Variants in TMEM168 observed in about 807,000 individuals in gnomAD.
The protein encoded by TMEM168 is transmembrane protein 168.
Under a neutral mutation model 53.2 loss-of-function variants are expected in TMEM168, and 40 were observed. The observed-to-expected ratio is 0.75, with a 90% CI of 0.58 to 0.98. The LOEUF is 0.98. Ranked by LOEUF, TMEM168 falls within the 50% of genes least tolerant of loss-of-function variation. The pLI is 0.00. For missense variants in TMEM168, 771 were observed against 828.8 expected, an observed-to-expected ratio of 0.93 and a Z score of 0.86; for synonymous variants, 282 against 293.0, an observed-to-expected ratio of 0.96 and a Z score of 0.38.
rs1385973819 is a variant in TMEM168, at chr7:112,765,981, AT to A, written c.*1215del. The A allele has an allele frequency of 1.3e-5, 2 of 152,338 alleles. No homozygotes were observed. The highest frequency in any genetic ancestry group is 2.9e-5 in the Non-Finnish European group (2 of 67,994). 9.4% of individuals were successfully genotyped at this position (152,338 alleles called of 1,614,324 possible). A position where few individuals can be genotyped will look rare whatever the true frequency, so the allele number is the denominator to read the frequency against. The stretch of plus-strand genomic sequence containing the variant: ...AAACCATTTAAACAATGAAGATTAG[AT>A]TATACCCCAATTTAATTCTATTCCC... On this transcript the variant is annotated 3_prime_UTR_variant, in exon 5 of 5. Transcript: ENST00000312814.
At position 112,784,357 on chromosome 7, in the gene TMEM168, C is replaced by T. The variant is rs749416558; in HGVS notation, c.469G>A (p.Val157Ile). The part of the protein sequence containing the change: ...VRHRPTLLTT[V>I]EFLELVGFAI... ...AATCCAACAAGCTCCAGAAATTCAA[C>T]TGTGGTTAGTAAAGTGGGCCGATGA... The change falls in exon 2 of 5, where the codon GTT (valine) becomes ATT (isoleucine). Residue 157 changes from valine to isoleucine, a missense_variant. Coordinates refer to ENST00000312814, the MANE Select transcript of TMEM168 (RefSeq NM_022484.6). 1 of 1,614,046 alleles carries T rather than the reference C, an allele frequency of 6.2e-7. No individual in the cohort carries two copies. The highest frequency in any genetic ancestry group is 1.7e-5 in the Admixed American group (1 of 60,000).
intron 1 of TMEM168, among the ~76,000 whole-genome samples, chr7:112,787,792 G>A (rs1314976993): frequency 7.5e-6 from 1 of 132,458 alleles, no homozygotes; most frequent in Non-Finnish European, 1.5e-5. Context: ...GAATACAATG[G>A]AGCGATCTCG....
At chr7:112,787,973 C>G (rs936880386) in intron 1 of TMEM168, among the ~76,000 whole-genome samples, 2 of 151,792 alleles carry the variant, frequency 1.3e-5, no homozygotes, top group African/African-American at 4.8e-5. Flanking sequence ...CTCAGGTGAT[C>G]CGTCCGCCTT....
chr7:112,772,074 T>C (rs1305713794), intron 4 of TMEM168, among the ~76,000 whole-genome samples: 1 of 152,108 alleles, frequency 6.6e-6, no homozygotes, highest in East Asian at 1.9e-4. Context: ...GACTGACAAA[T>C]TTATATATGA....
At chr7:112,781,871 G>A (rs1334786151) in intron 2 of TMEM168, among the ~76,000 whole-genome samples, 1 of 151,992 alleles carries the variant, frequency 6.6e-6, no homozygotes, top group Non-Finnish European at 1.5e-5. Flanking sequence ...AAGAAAAAGT[G>A]GATAAACTGG....
At chr7:112,782,217 T>G (rs942987310) in intron 2 of TMEM168, among the ~76,000 whole-genome samples, 1 of 151,684 alleles carries the variant, frequency 6.6e-6, no homozygotes, top group Non-Finnish European at 1.5e-5. Context: ...TAGGAAAGAG[T>G]AGAATGGAAG....
chr7:112,770,568 C>T (rs1170935709), intron 4 of TMEM168, among the ~76,000 whole-genome samples: 3 of 151,720 alleles, frequency 2.0e-5, no homozygotes, highest in African/African-American at 4.9e-5. Flanking sequence ...TTATTCCTAA[C>T]AGTGAATGAA....
At chr7:112,777,429 T>C (rs1793114128) in intron 2 of TMEM168, among the ~76,000 whole-genome samples, 1 of 152,178 alleles carries the variant, frequency 6.6e-6, no homozygotes, top group Non-Finnish European at 1.5e-5. Flanking sequence ...GTCTCTCTTC[T>C]TCTGTTCTGT....
intron 4 of TMEM168, among the ~76,000 whole-genome samples, chr7:112,771,781 C>T (rs1792936128): frequency 6.6e-6 from 1 of 151,820 alleles, no homozygotes; most frequent in African/African-American, 2.4e-5. Context: ...TTTTCTTTAT[C>T]CTGAATGTTT....
rs1364983063 is a variant in TMEM168 at position 112,762,944 on chromosome 7, G to A, written c.*4253C>T. 1.3e-5 allele frequency: 2 copies of A among 151,938 alleles called. No homozygotes were observed. The highest frequency in any genetic ancestry group is 2.9e-5 in the Non-Finnish European group (2 of 67,904). The allele number at this position is 151,938 out of a possible 1,614,324, so 9.4% of individuals were successfully genotyped here. On this transcript the variant is annotated 3_prime_UTR_variant, in exon 5 of 5. Transcript: ENST00000312814. ...GTCCTTAACCTGCTTATGCTTATAG[G>A]CCTATTTTACTGACCTTCCAATTTA...
chr7:112,769,922 G>A (rs957127262), intron 4 of TMEM168, among the ~76,000 whole-genome samples: 8 of 152,018 alleles, frequency 5.3e-5, no homozygotes, highest in African/African-American at 1.9e-4. Flanking sequence ...TGGGATAAAG[G>A]GCAAATATAG....
intron 4 of TMEM168, among the ~76,000 whole-genome samples, chr7:112,769,821 C>T (rs1792883823): frequency 6.6e-6 from 1 of 152,032 alleles, no homozygotes; most frequent in African/African-American, 2.4e-5. Context: ...TGTTTTCTAT[C>T]CTCAAGCAGA....
Position 112,771,498 on chromosome 7 carries a change from A to G in TMEM168, c.1546+1283T>C, listed in dbSNP as rs187723014. On this transcript the variant is annotated intron_variant, in intron 4 of 4. Transcript: ENST00000312814. ...TAACAATGTGTGTAAGGTACTAAGT[A>G]CAGTAAGCTGATGCTTAAAATGTAC... Among the ~76,000 whole-genome samples, 14 of 152,364 alleles carry G rather than the reference A, an allele frequency of 9.2e-5. No individual in the cohort carries two copies. In the East Asian group the frequency reaches 1.2e-3, roughly 13 times the overall value.
Position 112,772,771 on chromosome 7 carries a change from G to C in TMEM168, c.1546+10C>G, listed in dbSNP as rs746807727. 6.2e-7 allele frequency: 1 copy of C among 1,607,170 alleles called. No homozygotes were observed. Among genetic ancestry groups the C allele is most frequent in the East Asian group, 2.2e-5 (1 of 44,718 alleles). Reference sequence around the variant, plus strand: ...CTTTACAATAGTGAAACTGCCAAAGGTGAGTTTACCTGCTAGAGCCCACTC... The same window carrying C: ...CTTTACAATAGTGAAACTGCCAAAGCTGAGTTTACCTGCTAGAGCCCACTC... On this transcript the variant is annotated intron_variant, in intron 4 of 4. Transcript: ENST00000312814.
intron 2 of TMEM168, among the ~76,000 whole-genome samples, chr7:112,776,014 CATT>C (rs1371423570): frequency 6.7e-6 from 1 of 149,592 alleles, no homozygotes; most frequent in African/African-American, 2.5e-5. Flanking sequence ...AAAAAATACT[CATT>C]TAAGTGAAAA....
rs1015928978 is a variant in TMEM168, at chr7:112,767,734, T to G, written c.1557A>C (p.Thr519=). 1.9e-6 allele frequency: 3 copies of G among 1,609,426 alleles called. No homozygotes were observed. In the African/African-American group the frequency reaches 4.0e-5, roughly 22 times the overall value. The change falls in exon 5 of 5, where the codon ACA becomes ACC. Residue 519 remains threonine, a synonymous_variant. Transcript: ENST00000312814. ...ATTCTATAAGTGTGTCAAGGCGTAGTGTATCTCCACCTGTGAACAAGAGAA... is the reference window on the plus strand; with the variant it reads ...ATTCTATAAGTGTGTCAAGGCGTAGGGTATCTCCACCTGTGAACAAGAGAA... ...TGEWALAGGD[T]LRLDTLIEWW...
intron 4 of TMEM168, among the ~76,000 whole-genome samples, chr7:112,769,161 T>C (rs751614692): frequency 1.1e-4 from 17 of 152,226 alleles, no homozygotes; most frequent in Non-Finnish European, 2.2e-4. Flanking sequence ...ATTGGGATTC[T>C]ATCATATTCT....
intron 2 of TMEM168, among the ~76,000 whole-genome samples, chr7:112,777,535 T>A (rs1157269179): frequency 6.6e-6 from 1 of 152,180 alleles, no homozygotes; most frequent in Non-Finnish European, 1.5e-5. Context: ...TCTTACCATA[T>A]CCTCTGAGTC....
At chr7:112,772,687 G>A in intron 4 of TMEM168, 94 bp downstream of exon 4, 1 of 1,437,672 alleles carries the variant, frequency 7.0e-7, no homozygotes, top group Admixed American at 2.1e-5. Flanking sequence ...AGTAAACTAA[G>A]AATCCTGGAA....
Sources: allele counts gnomAD v4.1 joint callset (sites outside exome capture counted in the v4.1 genomes callset), GRCh38; gene constraint gnomAD v4.1.1; transcripts MANE v1.5; gene names NCBI Gene and HGNC (gene_info 2026-07-23, HGNC 2026-07-21).